Variants in SPATA6L observed in about 807,000 individuals in gnomAD.
The protein encoded by SPATA6L is spermatogenesis associated 6 like.
A neutral mutation model predicts 49.2 loss-of-function variants in SPATA6L; 68 were observed. That is an observed-to-expected ratio of 1.38 (90% confidence interval 1.14 to 1.69). The LOEUF (loss-of-function observed/expected upper bound fraction) is 1.69, where lower values mean the gene tolerates loss of function less well. SPATA6L is among the 40% of genes most tolerant of loss of function. The pLI is 0.00. For synonymous variants in SPATA6L, 198 were observed against 165.7 expected (o/e 1.19, Z -1.50); for missense variants, 668 against 464.3 (o/e 1.44, Z -4.03).
intron 5 of SPATA6L, 104 bp downstream of exon 5, chr9:4,628,987 T>G: frequency 1.4e-6 from 1 of 733,928 alleles, no homozygotes; most frequent in Admixed American, 2.8e-5. Flanking sequence ...TTTCTACTTG[T>G]TTAGTTTCAT....
chr9:4,625,256 C>A lies in SPATA6L; in HGVS notation c.669+71G>T, dbSNP rs569637870. Reference sequence around the variant, plus strand: ...TTATTCATTTGTTGTTATAACTCAACCTTCCTTTCTTCCACCCTCATCCAT... The same window carrying A: ...TTATTCATTTGTTGTTATAACTCAAACTTCCTTTCTTCCACCCTCATCCAT... On this transcript the variant is annotated intron_variant, in intron 6 of 11. Transcript: ENST00000682582. The A allele has an allele frequency of 4.4e-5, 67 of 1,514,114 alleles. 2 individuals are homozygous for A. The South Asian group carries it at 8.8e-4, about 20-fold the overall frequency. 93.8% of individuals were successfully genotyped at this position (1,514,114 alleles called of 1,614,324 possible).
At chr9:4,655,970 G>T in intron 3 of SPATA6L, 71 bp downstream of exon 3, 1 of 1,155,014 alleles carries the variant, frequency 8.7e-7, no homozygotes, top group Non-Finnish European at 1.3e-6. Flanking sequence ...TTAGAAAAGA[G>T]CAGAGTTTTG....
intron 3 of SPATA6L, among the ~76,000 whole-genome samples, chr9:4,638,504 C>T (rs1205608304): frequency 3.3e-5 from 5 of 152,070 alleles, no homozygotes; most frequent in South Asian, 2.1e-4. Context: ...TGAGCCACCA[C>T]GCCCAGCCAA....
At chr9:4,642,061 C>A (rs935730375) in intron 3 of SPATA6L, among the ~76,000 whole-genome samples, 4 of 152,210 alleles carry the variant, frequency 2.6e-5, no homozygotes, top group Admixed American at 2.6e-4. Context: ...AGCCACCATA[C>A]CTGGCCCACA....
Position 4,627,070 on chromosome 9 carries a change from G to GA in SPATA6L, c.430-1505dup, listed in dbSNP as rs1203808490. On this transcript the variant is annotated intron_variant, in intron 5 of 11. Coordinates refer to ENST00000682582, the MANE Select transcript of SPATA6L (RefSeq NM_001353486.2). The stretch of plus-strand genomic sequence containing the variant: ...ATAAAGTGATACTTTTGTTTTAAGG[G>GA]AAAAAAAAACAGACAGTGTGGTGGC... 991 of 148,476 alleles carry GA rather than the reference G, an allele frequency of 6.7e-3. 15 individuals carry two copies. The highest frequency in any genetic ancestry group is 0.023 in the African/African-American group (941 of 40,464). 9.2% of individuals were successfully genotyped at this position (148,476 alleles called of 1,614,324 possible).
chr9:4,648,515 T>A (rs138257120), intron 3 of SPATA6L, among the ~76,000 whole-genome samples: 12,645 of 151,526 alleles, frequency 0.083, 755 homozygotes, highest in East Asian at 0.22. Context: ...CTGGTCTAAC[T>A]CGGTGAAACC....
At chr9:4,641,069 T>A (rs1412386572) in intron 3 of SPATA6L, among the ~76,000 whole-genome samples, 2 of 152,224 alleles carry the variant, frequency 1.3e-5, no homozygotes, top group Non-Finnish European at 2.9e-5. Context: ...TAGGTGTGTG[T>A]GTATATATGT....
intron 7 of SPATA6L, among the ~76,000 whole-genome samples, chr9:4,619,513 G>T (rs1682788506): frequency 6.6e-6 from 1 of 152,082 alleles, no homozygotes; most frequent in South Asian, 2.1e-4. Flanking sequence ...TAAAGTGAAT[G>T]AGTAAGTTCA....
intron 4 of SPATA6L, 143 bp downstream of exon 4, chr9:4,635,132 T>G: frequency 1.3e-6 from 1 of 766,028 alleles, no homozygotes; most frequent in Non-Finnish European, 1.9e-6. Flanking sequence ...TTTGGTACCT[T>G]GAGTTGGGCA....
rs769074713 is a variant in SPATA6L at position 4,617,985 on chromosome 9, T to C, written c.933A>G (p.Ser311=). The change falls in exon 9 of 12, where the codon TCA becomes TCG. Residue 311 remains serine (S), a synonymous_variant. Coordinates refer to ENST00000682582, the MANE Select transcript of SPATA6L (RefSeq NM_001353486.2). ...AGGTGGAATGCTGGTAGGTGGCAAA[T>C]GAAGCTTTCCCGTGGAAATCAGCAT... The part of the protein sequence containing the change: ...QGDADFHGKA[S]FATYQHSTSP... 2 of 1,614,018 alleles carry C rather than the reference T, an allele frequency of 1.2e-6. No individual in the cohort carries two copies. The highest frequency in any genetic ancestry group is 1.1e-5 in the South Asian group (1 of 91,054).
At chr9:4,654,699 G>T (rs964032133) in intron 3 of SPATA6L, among the ~76,000 whole-genome samples, 1 of 152,160 alleles carries the variant, frequency 6.6e-6, no homozygotes, top group Admixed American at 6.5e-5. Context: ...CGGCAGCCCC[G>T]GCTCTCTTCC....
At chr9:4,625,680 C>A (rs1830216170) in intron 5 of SPATA6L, 114 bp from the exon 6 acceptor site, 1 of 655,756 alleles carries the variant, frequency 1.5e-6, no homozygotes, top group Non-Finnish European at 2.3e-6. Context: ...AAAGATAACA[C>A]ACCTCAGATT....
At chr9:4,595,484 T>C (rs896347475), downstream of SPATA6L, among the ~76,000 whole-genome samples, 2 of 152,198 alleles carry the variant, frequency 1.3e-5, no homozygotes, top group African/African-American at 4.8e-5. Context: ...GCTCCAAAAC[T>C]CTAACGGCTT....
chr9:4,659,235 T>C (rs1362458646), intron 2 of SPATA6L, among the ~76,000 whole-genome samples: 1 of 152,178 alleles, frequency 6.6e-6, no homozygotes, highest in East Asian at 1.9e-4. Flanking sequence ...CTTCAGAAAA[T>C]TGATCTTCAT....
At chr9:4,637,989 T>C (rs1387078008) in intron 3 of SPATA6L, among the ~76,000 whole-genome samples, 1 of 152,206 alleles carries the variant, frequency 6.6e-6, no homozygotes, top group Non-Finnish European at 1.5e-5. Flanking sequence ...AAACACTTCA[T>C]TCATTGAGAA....
intron 4 of SPATA6L, among the ~76,000 whole-genome samples, chr9:4,629,755 A>ATATGTGTGTGTGTGTGTGTG (rs1554721565): frequency 4.8e-5 from 6 of 125,448 alleles, no homozygotes; most frequent in Admixed American, 2.7e-4. Context: ...TGTTTTATAT[A>ATATGTGTGTGTGTGTGTGTG]TGTGTGTGTG....
intron 9 of SPATA6L, among the ~76,000 whole-genome samples, chr9:4,607,978 AG>A (rs1483806790): frequency 6.6e-5 from 10 of 152,034 alleles, no homozygotes; most frequent in African/African-American, 1.7e-4. Context: ...AAACAAAAAA[AG>A]GCAGGGGTTG....
chr9:4,662,298 C>T lies in SPATA6L; in HGVS notation c.40-262G>A. On this transcript the variant is annotated intron_variant, in intron 1 of 11. Coordinates refer to ENST00000682582, the MANE Select transcript of SPATA6L (RefSeq NM_001353486.2). This position sits in a 1 kb window ranked among gnomAD's most constrained non-coding sequence, Gnocchi z 4.9. ...TCCCCGCCCCTCCGGGATGGTAGTG[C>T]GGAAGCGGAAGAGGCTGCAGGGCCG... 3 of 1,434,720 alleles carry T rather than the reference C, an allele frequency of 2.1e-6. No individual in the cohort carries two copies. Among genetic ancestry groups the T allele is most frequent in the Non-Finnish European group, 2.7e-6 (3 of 1,099,516 alleles). 88.9% of individuals were successfully genotyped at this position (1,434,720 alleles called of 1,614,324 possible). A position where few individuals can be genotyped will look rare whatever the true frequency, so the allele number is the denominator to read the frequency against.
At chr9:4,621,624 G>A (rs1349024051) in intron 7 of SPATA6L, among the ~76,000 whole-genome samples, 5 of 152,092 alleles carry the variant, frequency 3.3e-5, no homozygotes, top group African/African-American at 1.2e-4. Context: ...GAGTAGCTGG[G>A]ACTACAGGCA....
Sources: gnomAD v4.1 joint callset for allele counts (sites outside exome capture counted in the v4.1 genomes callset) on GRCh38, gnomAD v4.1.1 for gene constraint, Gnocchi (gnomAD v3.1) non-coding constraint, MANE v1.5 for transcripts, NCBI Gene and HGNC (gene_info 2026-07-23, HGNC 2026-07-21) for gene names.